The following DIP2C variants were observed in gnomAD, a reference collection of about 807,000 sequenced individuals.
DIP2C encodes DIP2 acetate--CoA ligase C (putative).
A neutral mutation model predicts 192.4 loss-of-function variants in DIP2C; 33 were observed. That is an observed-to-expected ratio of 0.17 (90% confidence interval 0.13 to 0.23). The LOEUF (loss-of-function observed/expected upper bound fraction) is 0.23, where lower values mean the gene tolerates loss of function less well. Ranked by LOEUF, DIP2C falls within the 10% of genes least tolerant of loss-of-function variation. The pLI is 1.00. For missense variants in DIP2C, 1,537 were observed against 2,110.1 expected (o/e 0.73, Z 5.32); for synonymous variants, 979 against 864.1 (o/e 1.13, Z -2.33).
intron 17 of DIP2C, among the ~76,000 whole-genome samples, chr10:376,438 T>C (rs1453022394): frequency 1.4e-5 from 2 of 144,594 alleles, no homozygotes; most frequent in African/African-American, 2.5e-5. Flanking sequence ...GTTGCTTCTT[T>C]GGGAACACGC....
intron 32 of DIP2C, 84 bp from the exon 33 acceptor site, chr10:288,505 G>A: frequency 2.8e-6 from 4 of 1,445,896 alleles, no homozygotes; most frequent in Non-Finnish European, 3.9e-6. Flanking sequence ...TCACGAGCCT[G>A]GCAGCTGTCC....
chr10:409,868 A>G (rs568449996), intron 8 of DIP2C, among the ~76,000 whole-genome samples: 2 of 152,356 alleles, frequency 1.3e-5, no homozygotes, highest in South Asian at 4.1e-4. Flanking sequence ...AAAGCCTAAA[A>G]TGAGTTCTTA....
At chr10:373,227 T>C (rs1961201465) in intron 17 of DIP2C, among the ~76,000 whole-genome samples, 1 of 152,150 alleles carries the variant, frequency 6.6e-6, no homozygotes, top group Non-Finnish European at 1.5e-5. Flanking sequence ...TATAAAAACT[T>C]AGAAGCAAAC....
chr10:650,986 C>T (rs1358730042), intron 1 of DIP2C: 1 of 717,468 alleles, frequency 1.4e-6, no homozygotes, highest in South Asian at 1.5e-5. Flanking sequence ...GCCCTCTCTC[C>T]ATCTCTCCCG....
chr10:408,839 G>T (rs778363233), intron 9 of DIP2C, 87 bp downstream of exon 9: 2 of 1,327,142 alleles, frequency 1.5e-6, no homozygotes, highest in Non-Finnish European at 1.1e-6. Flanking sequence ...TGGAGGTGGC[G>T]CTGAACTCTG....
chr10:556,601 A>G (rs1053504335), intron 1 of DIP2C, among the ~76,000 whole-genome samples: 262 of 151,578 alleles, frequency 1.7e-3, no homozygotes, highest in African/African-American at 6.2e-3. Context: ...CATCTGCTAT[A>G]GACACATGAA....
At position 528,512 on chromosome 10, in the gene DIP2C, G is replaced by A. The variant is rs188852175; in HGVS notation, c.86-41982C>T. Among the ~76,000 whole-genome samples, 217 of 152,298 alleles carry A rather than the reference G, an allele frequency of 1.4e-3. 1 individual carries two copies. The highest frequency in any genetic ancestry group is 4.7e-3 in the African/African-American group (195 of 41,560). On this transcript the variant is annotated intron_variant, in intron 1 of 36. Coordinates refer to ENST00000280886, the MANE Select transcript of DIP2C (RefSeq NM_014974.3). ...AAAAAGCCATAGTGGTGGATATCCC[G>A]GATGTGGACACTTAGTGGCTTTTTG...
chr10:426,099 C>A (rs1312340534), intron 4 of DIP2C, among the ~76,000 whole-genome samples: 1 of 152,078 alleles, frequency 6.6e-6, no homozygotes. Flanking sequence ...GATGACATGA[C>A]CTTGGATGTA....
At chr10:535,544 A>T (rs1461463483) in intron 1 of DIP2C, among the ~76,000 whole-genome samples, 3 of 151,936 alleles carry the variant, frequency 2.0e-5, no homozygotes, top group Non-Finnish European at 2.9e-5. Flanking sequence ...TTTTACCTTA[A>T]GCTAAAAATG....
At chr10:670,421 G>A (rs1418568894) in intron 1 of DIP2C, among the ~76,000 whole-genome samples, 1 of 152,198 alleles carries the variant, frequency 6.6e-6, no homozygotes, top group African/African-American at 2.4e-5. Context: ...CAGGTACGTG[G>A]ATTCAAAATT....
intron 26 of DIP2C, 113 bp downstream of exon 26, chr10:348,528 C>G: frequency 6.6e-7 from 1 of 1,513,716 alleles, no homozygotes; most frequent in East Asian, 2.3e-5. Context: ...ACTCCAGACA[C>G]ACCCCGGCTT....
At chr10:539,824 A>G (rs1489904002) in intron 1 of DIP2C, among the ~76,000 whole-genome samples, 1 of 152,262 alleles carries the variant, frequency 6.6e-6, no homozygotes. Flanking sequence ...ACAGTTTTCA[A>G]AAACAGCTAT....
chr10:557,794 G>GGGGC (rs969023334), intron 1 of DIP2C, among the ~76,000 whole-genome samples: 3 of 80,962 alleles, frequency 3.7e-5, no homozygotes, highest in African/African-American at 1.0e-4. Context: ...GGCGGGGGCA[G>GGGGC]GGGCAGGCAG....
chr10:357,998 C>T, intron 22 of DIP2C, 61 bp from the exon 23 acceptor site: 5 of 1,317,504 alleles, frequency 3.8e-6, no homozygotes, highest in Non-Finnish European at 5.4e-6. Flanking sequence ...CAGACTAGAC[C>T]TCCCACTTTG....
intron 1 of DIP2C, among the ~76,000 whole-genome samples, chr10:603,964 C>T: frequency 6.6e-6 from 1 of 150,400 alleles, no homozygotes; most frequent in East Asian, 2.0e-4. Context: ...CTGCCCCACC[C>T]TTGGCCCCAA....
chr10:359,068 C>T (rs965433593), intron 22 of DIP2C, among the ~76,000 whole-genome samples: 1 of 152,128 alleles, frequency 6.6e-6, no homozygotes, highest in Non-Finnish European at 1.5e-5. Context: ...GCAGGTTGCT[C>T]ATAGCCGTGT....
At chr10:436,261 G>A (rs1375840628) in intron 4 of DIP2C, among the ~76,000 whole-genome samples, 2 of 152,168 alleles carry the variant, frequency 1.3e-5, no homozygotes, top group Non-Finnish European at 2.9e-5. Flanking sequence ...GCTTAATATT[G>A]CACATTGTGG....
chr10:310,619 G>A lies in DIP2C; in HGVS notation c.3925-527C>T, dbSNP rs536226114. Among the ~76,000 whole-genome samples the A allele has an allele frequency of 6.1e-4, 93 of 152,282 alleles. 2 individuals are homozygous for A. The highest frequency in any genetic ancestry group is 5.2e-3 in the South Asian group (25 of 4,820). ...TCTCTGGCCTGAGGAGGGCATTTCC[G>A]GCCAAGACACAGGTCAGGGAAGGGG... On this transcript the variant is annotated intron_variant, in intron 31 of 36. Coordinates refer to ENST00000280886, the MANE Select transcript of DIP2C (RefSeq NM_014974.3).
At chr10:400,685 G>A (rs1418658220) in intron 9 of DIP2C, among the ~76,000 whole-genome samples, 1 of 147,272 alleles carries the variant, frequency 6.8e-6, no homozygotes, top group African/African-American at 2.5e-5. Context: ...AGTTTGGTAT[G>A]TGTTCATCAG....
Sources: allele counts gnomAD v4.1 joint callset (sites outside exome capture counted in the v4.1 genomes callset), GRCh38; gene constraint gnomAD v4.1.1; transcripts MANE v1.5; gene names NCBI Gene and HGNC (gene_info 2026-07-23, HGNC 2026-07-21).